Variants in ATP8A2 observed in about 807,000 individuals in gnomAD.
ATP8A2 encodes the protein ATPase phospholipid transporting 8A2, also known as phospholipid-transporting ATPase IB.
A neutral mutation model predicts 165.6 loss-of-function variants in ATP8A2; 100 were observed. The observed-to-expected ratio is 0.60, with a 90% confidence interval of 0.51 to 0.71. ATP8A2 has a LOEUF of 0.71. Ranked by LOEUF, ATP8A2 falls within the 30% of genes least tolerant of loss-of-function variation. ATP8A2 has a pLI of 0.00. For missense variants in ATP8A2, 1,227 were observed against 1,479.5 expected (o/e 0.83, Z 2.80); for synonymous variants, 543 against 548.8 (o/e 0.99, Z 0.15).
chr13:25,577,503 T>C (rs937385129), intron 20 of ATP8A2, among the ~76,000 whole-genome samples: 18 of 152,246 alleles, frequency 1.2e-4, no homozygotes, highest in African/African-American at 4.1e-4. Flanking sequence ...TATTCTGATA[T>C]ATATTGGTTC....
chr13:25,549,476 A>AT (rs1384202067), intron 10 of ATP8A2, among the ~76,000 whole-genome samples: 1 of 150,508 alleles, frequency 6.6e-6, no homozygotes, highest in Non-Finnish European at 1.5e-5. Context: ...AAAAAAAAAA[A>AT]GCCTGGGCCC....
chr13:25,847,044 G>T (rs979454323), intron 30 of ATP8A2, among the ~76,000 whole-genome samples: 2 of 152,182 alleles, frequency 1.3e-5, no homozygotes, highest in Admixed American at 6.5e-5. Context: ...TCAGAGTCAA[G>T]CATTAAATGC....
intron 24 of ATP8A2, among the ~76,000 whole-genome samples, chr13:25,691,531 G>C (rs2042725635): frequency 6.6e-6 from 1 of 152,154 alleles, no homozygotes; most frequent in South Asian, 2.1e-4. Context: ...ATATGTCATG[G>C]GGTAAGTGGG....
At chr13:25,761,245 C>T (rs1311503870) in intron 25 of ATP8A2, among the ~76,000 whole-genome samples, 1 of 152,144 alleles carries the variant, frequency 6.6e-6, no homozygotes, top group African/African-American at 2.4e-5. Context: ...AATCCTGGAG[C>T]GTGTTGACCT....
At chr13:25,911,909 A>T (rs140165487) in intron 33 of ATP8A2, among the ~76,000 whole-genome samples, 7 of 152,284 alleles carry the variant, frequency 4.6e-5, no homozygotes, top group African/African-American at 1.7e-4. Flanking sequence ...ACCCTTGTAC[A>T]CTGTAGTTTG....
intron 27 of ATP8A2, among the ~76,000 whole-genome samples, chr13:25,803,451 T>G (rs1216166252): frequency 3.3e-5 from 5 of 152,160 alleles, no homozygotes; most frequent in African/African-American, 9.7e-5. Context: ...TTAAGGAATA[T>G]CCCATGATAT....
chr13:25,728,429 C>G (rs2043541928), intron 25 of ATP8A2, among the ~76,000 whole-genome samples: 1 of 152,158 alleles, frequency 6.6e-6, no homozygotes, highest in Non-Finnish European at 1.5e-5. Context: ...GTGGGGGTAA[C>G]AGCAGGTGCA....
At chr13:25,952,631 C>T (rs1955400000) in intron 33 of ATP8A2, among the ~76,000 whole-genome samples, 1 of 152,096 alleles carries the variant, frequency 6.6e-6, no homozygotes, top group Non-Finnish European at 1.5e-5. Flanking sequence ...CTCAGCATCC[C>T]AAAGCGCTGG....
chr13:25,881,028 A>C, intron 33 of ATP8A2: 1 of 419,974 alleles, frequency 2.4e-6, no homozygotes, highest in Non-Finnish European at 4.8e-6. Context: ...AAGGTTAAGG[A>C]TATTTATTGC....
In ATP8A2 at chr13:25,797,984, T is replaced by C. The variant is rs370687456; in HGVS notation, c.2679+23025T>C. Among the ~76,000 whole-genome samples, 5 of 152,242 alleles carry C rather than the reference T, an allele frequency of 3.3e-5. No individual in the cohort carries two copies. The East Asian group carries it at 9.6e-4, about 29-fold the overall frequency. On this transcript the variant is annotated intron_variant, in intron 27 of 36. Transcript: ENST00000381655. Reference sequence around the variant, plus strand: ...TAAGAGATAAGTGAATCTTAAATTCTTAATTTACAAAAGTTTGATCTATAT... The same window carrying C: ...TAAGAGATAAGTGAATCTTAAATTCCTAATTTACAAAAGTTTGATCTATAT...
At chr13:25,781,916 G>C (rs917012964) in intron 27 of ATP8A2, among the ~76,000 whole-genome samples, 2 of 152,130 alleles carry the variant, frequency 1.3e-5, no homozygotes, top group East Asian at 3.8e-4. Context: ...TATGCACTTG[G>C]TCAACCCTAT....
At chr13:25,846,303 G>A (rs1457365179) in intron 30 of ATP8A2, among the ~76,000 whole-genome samples, 1 of 152,212 alleles carries the variant, frequency 6.6e-6, no homozygotes. Context: ...AGAGAAGGCA[G>A]GATTTGAACA....
intron 35 of ATP8A2, among the ~76,000 whole-genome samples, chr13:25,992,785 CCACT>C (rs1438911201): frequency 6.6e-6 from 1 of 151,374 alleles, no homozygotes; most frequent in Admixed American, 6.6e-5. Context: ...TGCGCTGCAC[CCACT>C]AACTCGTCAT....
At chr13:25,882,932 ATGATGATGGTGATGG>A (rs1367115739) in intron 33 of ATP8A2, among the ~76,000 whole-genome samples, 4 of 139,702 alleles carry the variant, frequency 2.9e-5, no homozygotes, top group South Asian at 2.3e-4. Flanking sequence ...GATGATGATG[ATGATGATGGTGATGG>A]TGATGATGGT....
chr13:25,685,096 TG>T (rs1249699321), intron 24 of ATP8A2, among the ~76,000 whole-genome samples: 5 of 152,174 alleles, frequency 3.3e-5, no homozygotes, highest in Non-Finnish European at 7.4e-5. Flanking sequence ...CCTCCTATCC[TG>T]TCGCCCTCTG....
chr13:25,692,254 C>T (rs1355592373), intron 24 of ATP8A2, among the ~76,000 whole-genome samples: 4 of 152,222 alleles, frequency 2.6e-5, no homozygotes, highest in African/African-American at 4.8e-5. Flanking sequence ...CTCTGGAACT[C>T]GAAGGCTAAG....
At chr13:25,680,394 A>G (rs2042461072) in intron 24 of ATP8A2, among the ~76,000 whole-genome samples, 1 of 152,186 alleles carries the variant, frequency 6.6e-6, no homozygotes, top group Non-Finnish European at 1.5e-5. Flanking sequence ...GAGACTAGGA[A>G]AAGATCCTTC....
At chr13:25,431,851 C>T (rs931815891) in intron 1 of ATP8A2, among the ~76,000 whole-genome samples, 1 of 152,152 alleles carries the variant, frequency 6.6e-6, no homozygotes, top group Admixed American at 6.5e-5. Flanking sequence ...ACATTTTCCT[C>T]ACCCCTCAAA....
intron 1 of ATP8A2, among the ~76,000 whole-genome samples, chr13:25,467,310 T>C (rs1445024358): frequency 6.6e-6 from 1 of 152,258 alleles, no homozygotes; most frequent in Non-Finnish European, 1.5e-5. Context: ...CGTCCCCATC[T>C]AGGTGAAGGG....
Sources: gnomAD v4.1 joint callset for allele counts (sites outside exome capture counted in the v4.1 genomes callset) on GRCh38, gnomAD v4.1.1 for gene constraint, MANE v1.5 for transcripts, NCBI Gene and HGNC (gene_info 2026-07-23, HGNC 2026-07-21) for gene names.